EPB41L3: variants seen among roughly 807,000 people sequenced by gnomAD.
The protein encoded by EPB41L3 is band 4.1-like protein 3.
A neutral mutation model predicts 127.1 loss-of-function variants in EPB41L3; 57 were observed. The observed-to-expected ratio is 0.45, with a 90% CI of 0.36 to 0.56. The LOEUF (loss-of-function observed/expected upper bound fraction) is 0.56, where lower values mean the gene tolerates loss of function less well. Among genes scored for constraint, EPB41L3 ranks in the 20% least tolerant of loss-of-function variants. The pLI is 0.00. For missense variants in EPB41L3, 1,273 were observed against 1,372.2 expected (o/e 0.93, Z 1.14); for synonymous variants, 572 against 549.5 (o/e 1.04, Z -0.57).
intron 3 of EPB41L3, among the ~76,000 whole-genome samples, chr18:5,594,649 A>G (rs1785408): frequency 0.4 from 60,602 of 151,982 alleles, 12,756 homozygotes; most frequent in Non-Finnish European, 0.47. Flanking sequence ...ACCTTTTAGA[A>G]GGCAGACTAA....
At chr18:5,478,870 C>G (rs1029082773) in intron 2 of EPB41L3, among the ~76,000 whole-genome samples, 5 of 152,192 alleles carry the variant, frequency 3.3e-5, no homozygotes, top group Non-Finnish European at 7.3e-5. Flanking sequence ...CCTACATATA[C>G]AAGATATCTG....
At chr18:5,535,392 A>G (rs909912382) in intron 1 of EPB41L3, among the ~76,000 whole-genome samples, 3 of 152,244 alleles carry the variant, frequency 2.0e-5, no homozygotes, top group Non-Finnish European at 2.9e-5. Flanking sequence ...CTTCTTGAGC[A>G]GACAACCTAG....
intron 3 of EPB41L3, among the ~76,000 whole-genome samples, chr18:5,559,192 C>G (rs527433536): frequency 6.6e-6 from 1 of 152,240 alleles, no homozygotes; most frequent in East Asian, 1.9e-4. Context: ...AAGTTGCAGA[C>G]TAAGAACACA....
chr18:5,445,164 C>T lies in EPB41L3; in HGVS notation c.462G>A (p.Thr154=), dbSNP rs768913652. The change falls in exon 4 of 23, where the codon ACG becomes ACA. Residue 154 remains threonine (T), a synonymous_variant. Coordinates refer to ENST00000341928, the MANE Select transcript of EPB41L3 (RefSeq NM_012307.5). The part of the protein sequence containing the change: ...NLLEKDYFGL[T]YRDAENQKNW... ...CCTTCTGGTTTTCAGCATCTCGATACGTAAGCCCAAAGTAGTCTTTCTCTA... is the reference window on the plus strand; with the variant it reads ...CCTTCTGGTTTTCAGCATCTCGATATGTAAGCCCAAAGTAGTCTTTCTCTA... The T allele has an allele frequency of 1.6e-5, 26 of 1,613,940 alleles. No individual in the cohort carries two copies. In the East Asian group the frequency reaches 4.7e-4, roughly 29 times the overall value.
rs1301868504 is a variant in EPB41L3, at chr18:5,395,843, G to A, written c.2974-136C>T. 12 of 709,512 alleles carry A rather than the reference G, an allele frequency of 1.7e-5. No homozygotes were observed. In the Admixed American group the frequency reaches 1.8e-4, roughly 10 times the overall value. The allele number at this position is 709,512 out of a possible 1,614,324, so 44.0% of individuals were successfully genotyped here. A position where few individuals can be genotyped will look rare whatever the true frequency, so the allele number is the denominator to read the frequency against. ...TCATTATGCTCTTCAGAGTCTGAGC[G>A]CTGCTCCCAAGAATAAGTACTAAGT... On this transcript the variant is annotated intron_variant, in intron 19 of 22. Transcript: ENST00000341928.
At chr18:5,418,792 T>G (rs2077123097) in intron 12 of EPB41L3, among the ~76,000 whole-genome samples, 1 of 152,218 alleles carries the variant, frequency 6.6e-6, no homozygotes. Context: ...AGGAACACTT[T>G]CCATAGAATT....
chr18:5,397,382 G>A lies in EPB41L3; in HGVS notation c.2517C>T (p.Pro839=), dbSNP rs1354570778. 3.1e-6 allele frequency: 5 copies of A among 1,613,852 alleles called. No homozygotes were observed. The highest frequency in any genetic ancestry group is 1.1e-5 in the South Asian group (1 of 91,032). The change falls in exon 18 of 23, where the codon CCC becomes CCT. Residue 839 remains proline (P), a synonymous_variant. Transcript: ENST00000341928. The surrounding 1 kb of genome is among the most constrained non-coding windows in gnomAD (Gnocchi z 4.1). ...TGCTAAGCGGCAGGTGGTGCACGGTGGGTTCCGTCTCTATTCCACTGGACT... is the reference window on the plus strand; with the variant it reads ...TGCTAAGCGGCAGGTGGTGCACGGTAGGTTCCGTCTCTATTCCACTGGACT... ...KTESSGIETE[P]TVHHLPLSTE...
At chr18:5,461,458 A>G (rs181617083) in intron 3 of EPB41L3, among the ~76,000 whole-genome samples, 1 of 152,232 alleles carries the variant, frequency 6.6e-6, no homozygotes, top group Admixed American at 6.5e-5. Flanking sequence ...AGGACTCCAA[A>G]TGTACATACA....
chr18:5,417,476 G>A (rs2076969298), intron 12 of EPB41L3, among the ~76,000 whole-genome samples: 1 of 152,206 alleles, frequency 6.6e-6, no homozygotes, highest in Non-Finnish European at 1.5e-5. Flanking sequence ...AGGTACAGCA[G>A]CTGCTGCAGG....
intron 3 of EPB41L3, among the ~76,000 whole-genome samples, chr18:5,578,283 A>G (rs886823503): frequency 6.6e-6 from 1 of 152,236 alleles, no homozygotes; most frequent in African/African-American, 2.4e-5. Flanking sequence ...AAAAGATCTC[A>G]AAATGATCAA....
intron 3 of EPB41L3, among the ~76,000 whole-genome samples, chr18:5,585,786 A>G (rs2094436629): frequency 6.6e-6 from 1 of 152,170 alleles, no homozygotes; most frequent in Non-Finnish European, 1.5e-5. Context: ...GCTTTGGCCA[A>G]TGGGAGACAC....
At chr18:5,451,449 T>C (rs2082268395) in intron 3 of EPB41L3, among the ~76,000 whole-genome samples, 1 of 152,212 alleles carries the variant, frequency 6.6e-6, no homozygotes, top group Non-Finnish European at 1.5e-5. Flanking sequence ...TTTCCTGTCT[T>C]CCCAGACAAA....
intron 3 of EPB41L3, chr18:5,610,382 G>A: frequency 3.8e-6 from 3 of 790,918 alleles, no homozygotes; most frequent in Non-Finnish European, 3.1e-6. Context: ...GAAAGTTTCT[G>A]TAGAAAAACA....
chr18:5,427,178 AT>A (rs1284950242), intron 9 of EPB41L3, among the ~76,000 whole-genome samples: 1 of 151,924 alleles, frequency 6.6e-6, no homozygotes. Flanking sequence ...CGATATTCTG[AT>A]TTTTTAAATT....
At chr18:5,402,216 G>A (rs1555637226) in intron 16 of EPB41L3, among the ~76,000 whole-genome samples, 1 of 149,068 alleles carries the variant, frequency 6.7e-6, no homozygotes, top group Non-Finnish European at 1.5e-5. Context: ...ACTGCATTTT[G>A]GAGGACGGTA....
chr18:5,627,968 T>C (rs2094940858), intron 1 of EPB41L3, among the ~76,000 whole-genome samples: 1 of 152,180 alleles, frequency 6.6e-6, no homozygotes, highest in African/African-American at 2.4e-5. Flanking sequence ...TTGATCCAAC[T>C]GGGAACTGCC....
chr18:5,608,949 C>T (rs2094694650), intron 3 of EPB41L3, among the ~76,000 whole-genome samples: 1 of 152,210 alleles, frequency 6.6e-6, no homozygotes, highest in Non-Finnish European at 1.5e-5. Context: ...GAAACTAAAT[C>T]ATCTAAGATA....
At chr18:5,418,030 A>G (rs370821661) in intron 12 of EPB41L3, among the ~76,000 whole-genome samples, 1 of 152,222 alleles carries the variant, frequency 6.6e-6, no homozygotes, top group African/African-American at 2.4e-5. Flanking sequence ...AAAAGTAAGT[A>G]CCCTCTGCGT....
In EPB41L3 at chr18:5,441,620, C is replaced by G. The variant is rs373774435; in HGVS notation, c.529+2218G>C. 4.2e-3 allele frequency among the ~76,000 whole-genome samples: 632 copies of G among 152,276 alleles called. 8 individuals are homozygous for G. In the South Asian group the frequency reaches 0.047, roughly 11 times the overall value. ...AGCTGGGACTACAGGCGCACGCCAC[C>G]ATGCCCGGCTAATTTTTGTATTTTT... On this transcript the variant is annotated intron_variant, in intron 5 of 22. Coordinates refer to ENST00000341928, the MANE Select transcript of EPB41L3 (RefSeq NM_012307.5).
Sources: allele counts gnomAD v4.1 joint callset (sites outside exome capture counted in the v4.1 genomes callset), GRCh38; gene constraint gnomAD v4.1.1; non-coding constraint Gnocchi (gnomAD v3.1); transcripts MANE v1.5; gene names NCBI Gene and HGNC (gene_info 2026-07-23, HGNC 2026-07-21).